The following DPYSL5 variants were observed in gnomAD, a reference collection of about 807,000 sequenced individuals.
The protein encoded by DPYSL5 is dihydropyrimidinase like 5.
In DPYSL5, 9 loss-of-function variants were observed where a neutral mutation model predicts 58.4. The observed-to-expected ratio is 0.15, with a 90% CI of 0.09 to 0.27. The LOEUF (loss-of-function observed/expected upper bound fraction) is 0.27. Among genes scored for constraint, DPYSL5 ranks in the 10% least tolerant of loss-of-function variants. The pLI is 1.00. For missense variants in DPYSL5, 499 were observed against 770.6 expected (o/e 0.65, Z 4.17); for synonymous variants, 293 against 301.9 (o/e 0.97, Z 0.31).
rs565809025 is a variant in DPYSL5, at chr2:26,924,919, C to T, written c.294C>T (p.Ile98=). 9 of 1,614,088 alleles carry T rather than the reference C, an allele frequency of 5.6e-6. No individual in the cohort carries two copies. The highest frequency in any genetic ancestry group is 1.3e-5 in the African/African-American group (1 of 75,044). The change falls in exon 3 of 13, where the codon ATC becomes ATT. Residue 98 remains isoleucine (I), a synonymous_variant. Coordinates refer to ENST00000288699, the MANE Select transcript of DPYSL5 (RefSeq NM_020134.4). The surrounding 1 kb of genome is among the most constrained non-coding windows in gnomAD (Gnocchi z 4.7). ...AALVGGTTMI[I]GHVLPDKETS... is the part of the protein sequence containing the mutation. ...TCGTCGGAGGCACCACCATGATCAT[C>T]GGCCACGTCCTGCCCGACAAGGAGA...
At chr2:26,940,525 A>G (rs1452837426) in intron 9 of DPYSL5, among the ~76,000 whole-genome samples, 1 of 121,126 alleles carries the variant, frequency 8.3e-6, no homozygotes, top group Non-Finnish European at 1.7e-5. Flanking sequence ...TTCCTTTTTT[A>G]CTATGTTGTC....
At chr2:26,883,827 A>G (rs571882078) in intron 1 of DPYSL5, among the ~76,000 whole-genome samples, 19 of 152,200 alleles carry the variant, frequency 1.2e-4, no homozygotes, top group Non-Finnish European at 2.2e-4. Flanking sequence ...TTCTCATTCA[A>G]TTTCTACCCT....
At chr2:26,885,014 A>G (rs1248575351) in intron 1 of DPYSL5, among the ~76,000 whole-genome samples, 1 of 152,114 alleles carries the variant, frequency 6.6e-6, no homozygotes, top group African/African-American at 2.4e-5. Context: ...AGCCTGACCC[A>G]CATGGTGAAA....
chr2:26,927,563 G>A lies in DPYSL5; in HGVS notation c.600+131G>A, dbSNP rs1201675290. ...ATCAGTTGTTAAAGTGTGAGGTGTG[G>A]ACACCCCAGCTGTCAGATCTTGGTC... On this transcript the variant is annotated intron_variant, in intron 4 of 12. Coordinates refer to ENST00000288699, the MANE Select transcript of DPYSL5 (RefSeq NM_020134.4). The surrounding 1 kb of genome is among the most constrained non-coding windows in gnomAD (Gnocchi z 4.3). 8.8e-7 allele frequency: 1 copy of A among 1,135,820 alleles called. No individual in the cohort carries two copies. The highest frequency in any genetic ancestry group is 1.2e-6 in the Non-Finnish European group (1 of 821,140). The allele number at this position is 1,135,820 out of a possible 1,614,324, so 70.4% of individuals were successfully genotyped here.
At chr2:26,921,916 G>T (rs1320051100) in intron 2 of DPYSL5, among the ~76,000 whole-genome samples, 4 of 152,186 alleles carry the variant, frequency 2.6e-5, no homozygotes, top group African/African-American at 9.7e-5. Context: ...ACGTGGGAAA[G>T]TCAAGACCAC....
rs1558351296 is a variant in DPYSL5, at chr2:26,932,115, A to G, written c.714+431A>G. ...AAAGAAAGAGAAAGAAAGAAAAGAA[A>G]AAAGAAAGAGAAAGAAAGAAAGAGA... is the stretch of plus-strand genomic sequence containing the variant. On this transcript the variant is annotated intron_variant, in intron 6 of 12. Transcript: ENST00000288699. Among the ~76,000 whole-genome samples, 133 of 142,004 alleles carry G rather than the reference A, an allele frequency of 9.4e-4. 5 individuals are homozygous for G. Among genetic ancestry groups the G allele is most frequent in the African/African-American group, 2.8e-3 (104 of 37,606 alleles). The allele number at this position is 142,004 out of a possible 152,430, so 93.2% of individuals were successfully genotyped here. A position where few individuals can be genotyped will look rare whatever the true frequency, so the allele number is the denominator to read the frequency against.
At chr2:26,892,665 T>TAA (rs564372676) in intron 1 of DPYSL5, among the ~76,000 whole-genome samples, 1 of 108,874 alleles carries the variant, frequency 9.2e-6, no homozygotes, top group Non-Finnish European at 2.0e-5. Flanking sequence ...CATAGAGAAC[T>TAA]AAAAAAAAAA....
chr2:26,852,659 C>T (rs1255528588), intron 1 of DPYSL5, among the ~76,000 whole-genome samples: 1 of 152,168 alleles, frequency 6.6e-6, no homozygotes, highest in Non-Finnish European at 1.5e-5. Flanking sequence ...AGCCAGAAAG[C>T]CTGGGTTCAG....
At chr2:26,881,569 C>T (rs1396992027) in intron 1 of DPYSL5, among the ~76,000 whole-genome samples, 3 of 152,094 alleles carry the variant, frequency 2.0e-5, no homozygotes, top group South Asian at 4.1e-4. Flanking sequence ...GTGTCAGGTC[C>T]GTAAGAAAGA....
chr2:26,892,930 A>G (rs1249710294), intron 1 of DPYSL5, among the ~76,000 whole-genome samples: 1 of 152,158 alleles, frequency 6.6e-6, no homozygotes, highest in African/African-American at 2.4e-5. Flanking sequence ...ATCCCTTGAC[A>G]TGTGTTCAGC....
chr2:26,922,736 G>C (rs1224780520), intron 2 of DPYSL5, among the ~76,000 whole-genome samples: 1 of 152,226 alleles, frequency 6.6e-6, no homozygotes, highest in Admixed American at 6.5e-5. Flanking sequence ...GGACAAAATA[G>C]AGTACAACCA....
intron 2 of DPYSL5, among the ~76,000 whole-genome samples, chr2:26,913,124 G>T (rs767804840): frequency 1.3e-5 from 2 of 152,140 alleles, no homozygotes; most frequent in African/African-American, 2.4e-5. Flanking sequence ...GTTTTTAAGC[G>T]TATGGTTCTG....
intron 12 of DPYSL5, among the ~76,000 whole-genome samples, chr2:26,946,151 C>A (rs1193480731): frequency 6.6e-6 from 1 of 152,208 alleles, no homozygotes; most frequent in Non-Finnish European, 1.5e-5. Flanking sequence ...ACTCCCACCG[C>A]CTTCCTCCTG....
chr2:26,906,752 T>TA (rs1484497058), intron 2 of DPYSL5, among the ~76,000 whole-genome samples: 1 of 152,168 alleles, frequency 6.6e-6, no homozygotes, highest in Non-Finnish European at 1.5e-5. Context: ...TTAAACTACC[T>TA]AAATCATAAT....
intron 5 of DPYSL5, among the ~76,000 whole-genome samples, chr2:26,931,199 G>GTATATATATATATATATA (rs1287075956): frequency 1.0e-3 from 55 of 52,838 alleles, no homozygotes; most frequent in Non-Finnish European, 1.3e-3. Flanking sequence ...GTGTGTGTGT[G>GTATATATATATATATATA]TGTGTATATA....
chr2:26,884,001 C>T (rs972575651), intron 1 of DPYSL5, among the ~76,000 whole-genome samples: 1 of 152,174 alleles, frequency 6.6e-6, no homozygotes, highest in Non-Finnish European at 1.5e-5. Flanking sequence ...AGCATTTGGC[C>T]CTTGTTCTAG....
At chr2:26,907,411 G>A (rs1198741952) in intron 2 of DPYSL5, among the ~76,000 whole-genome samples, 1 of 152,106 alleles carries the variant, frequency 6.6e-6, no homozygotes, top group Non-Finnish European at 1.5e-5. Flanking sequence ...ACTGCGCCCA[G>A]CCCACATTTA....
At chr2:26,926,147 C>G (rs1466431100) in intron 3 of DPYSL5, among the ~76,000 whole-genome samples, 1 of 152,244 alleles carries the variant, frequency 6.6e-6, no homozygotes, top group Non-Finnish European at 1.5e-5. Flanking sequence ...TAAAGCCTCA[C>G]TATATTTCTG....
At chr2:26,895,330 A>G (rs772240828) in intron 1 of DPYSL5, among the ~76,000 whole-genome samples, 26 of 152,244 alleles carry the variant, frequency 1.7e-4, no homozygotes, top group Non-Finnish European at 2.8e-4. Context: ...AATTGACACC[A>G]TGTTGAGTCT....
Sources: gnomAD v4.1 joint callset for allele counts (sites outside exome capture counted in the v4.1 genomes callset) on GRCh38, gnomAD v4.1.1 for gene constraint, Gnocchi (gnomAD v3.1) non-coding constraint, MANE v1.5 for transcripts, NCBI Gene and HGNC (gene_info 2026-07-23, HGNC 2026-07-21) for gene names.